Variants in RALGAPA2 observed in about 807,000 individuals in gnomAD.
RALGAPA2 encodes ral GTPase-activating protein subunit alpha-2.
RALGAPA2 carries 139 observed loss-of-function variants against 230.4 expected under a neutral mutation model. The observed-to-expected ratio is 0.60, with a 90% confidence interval of 0.53 to 0.69. The LOEUF (loss-of-function observed/expected upper bound fraction) is 0.69. Ranked by LOEUF, RALGAPA2 falls within the 30% of genes least tolerant of loss-of-function variation. The pLI, the probability that RALGAPA2 is intolerant of heterozygous loss-of-function variation, is 0.00. For missense variants in RALGAPA2, 2,163 were observed against 2,276.0 expected (o/e 0.95, Z 1.01); for synonymous variants, 847 against 837.8 (o/e 1.01, Z -0.19).
rs528131878 is a variant in RALGAPA2 at position 20,546,749 on chromosome 20, G to A, written c.3240C>T (p.Asp1080=). Residue 1080 remains aspartate, a synonymous_variant, in exon 24 of 40, where the codon GAC becomes GAT. Transcript: ENST00000202677. ...GGACCCTGGCAGCGGCCGTGATGAA[G>A]TCCCCCACCAGCATTGAGAAGCCAG... is the stretch of plus-strand genomic sequence containing the variant. ...GFPGFSMLVG[D]FITAAARVLS... The A allele has an allele frequency of 6.2e-7, 1 of 1,611,982 alleles. No individual in the cohort carries two copies. The highest frequency in any genetic ancestry group is 1.1e-5 in the South Asian group (1 of 90,794).
chr20:20,591,407 C>A, intron 16 of RALGAPA2, 93 bp from the exon 17 acceptor site: 1 of 1,368,106 alleles, frequency 7.3e-7, no homozygotes. Context: ...AATAAAGTTT[C>A]AAATGCTTTT....
intron 1 of RALGAPA2, among the ~76,000 whole-genome samples, chr20:20,703,546 A>C (rs762309763): frequency 6.6e-6 from 1 of 152,234 alleles, no homozygotes; most frequent in Non-Finnish European, 1.5e-5. Context: ...GATATTTAAT[A>C]AATTTCTTTT....
intron 38 of RALGAPA2, among the ~76,000 whole-genome samples, chr20:20,407,351 G>A (rs902510243): frequency 1.3e-5 from 2 of 152,194 alleles, no homozygotes; most frequent in African/African-American, 2.4e-5. Context: ...TTCAATGAGC[G>A]GGGAAACTCT....
intron 35 of RALGAPA2, 112 bp downstream of exon 35, chr20:20,503,239 G>C (rs1244700230): frequency 9.4e-7 from 1 of 1,058,414 alleles, no homozygotes; most frequent in Non-Finnish European, 1.3e-6. Context: ...CAGGGTCGTA[G>C]AGTTCAGAGA....
intron 20 of RALGAPA2, among the ~76,000 whole-genome samples, chr20:20,575,057 C>T (rs2064775534): frequency 6.6e-6 from 1 of 152,184 alleles, no homozygotes; most frequent in Admixed American, 6.5e-5. Context: ...ATTTGACCCC[C>T]AGGTATGACT....
At chr20:20,534,883 C>G (rs1035308719) in intron 26 of RALGAPA2, among the ~76,000 whole-genome samples, 16 of 152,146 alleles carry the variant, frequency 1.1e-4, no homozygotes, top group African/African-American at 3.9e-4. Context: ...ATCACATAAA[C>G]CAAGTTGAGG....
chr20:20,553,719 A>G (rs6035647), intron 23 of RALGAPA2, among the ~76,000 whole-genome samples: 10,937 of 152,200 alleles, frequency 0.072, 539 homozygotes, highest in East Asian at 0.16. Context: ...CACAGCATCA[A>G]GATTTCAGGA....
At chr20:20,435,039 C>T (rs1742085794) in intron 37 of RALGAPA2, among the ~76,000 whole-genome samples, 1 of 152,262 alleles carries the variant, frequency 6.6e-6, no homozygotes, top group Non-Finnish European at 1.5e-5. Context: ...GCTGACGGGA[C>T]ATCACAGAGA....
intron 36 of RALGAPA2, among the ~76,000 whole-genome samples, chr20:20,482,059 T>C (rs1014892894): frequency 2.6e-5 from 4 of 152,246 alleles, no homozygotes; most frequent in African/African-American, 9.6e-5. Flanking sequence ...TATCTCTGTA[T>C]AATATAAATA....
Position 20,552,959 on chromosome 20 carries a change from A to G in RALGAPA2, c.3157-6127T>C, listed in dbSNP as rs1229485199. Among the ~76,000 whole-genome samples, 3 of 152,152 alleles carry G rather than the reference A, an allele frequency of 2.0e-5. No individual in the cohort carries two copies. The South Asian group carries it at 6.2e-4, about 32-fold the overall frequency. ...CGGCCCTTTAAAAACAAAACAAAAC[A>G]AAACAAAACAAAACAAAAAACACAG... On this transcript the variant is annotated intron_variant, in intron 23 of 39. Transcript: ENST00000202677.
chr20:20,412,072 C>G lies in RALGAPA2; in HGVS notation c.5572G>C (p.Ala1858Pro), dbSNP rs2060072833. ...CTGGGAGAGGGAGAAAAGACTTGGG[C>G]TGCGAAATCCTCGAATGTCATTACT... The part of the protein sequence containing the change: ...REVMTFEDFA[A>P]QVFSPSPSYS... Residue 1858 changes from alanine to proline, a missense_variant, in exon 38 of 40, where the codon GCC becomes CCC. Transcript: ENST00000202677. The G allele has an allele frequency of 6.2e-7, 1 of 1,613,972 alleles. No individual in the cohort carries two copies. The highest frequency in any genetic ancestry group is 8.5e-7 in the Non-Finnish European group (1 of 1,179,874).
chr20:20,418,458 G>A (rs553123866), intron 37 of RALGAPA2, among the ~76,000 whole-genome samples: 5 of 152,270 alleles, frequency 3.3e-5, no homozygotes, highest in African/African-American at 9.6e-5. Context: ...ACAGACGTGC[G>A]TGCTTGCAGG....
At chr20:20,475,734 A>G (rs2061636087) in intron 36 of RALGAPA2, among the ~76,000 whole-genome samples, 1 of 152,172 alleles carries the variant, frequency 6.6e-6, no homozygotes, top group South Asian at 2.1e-4. Context: ...GATCCTAGTC[A>G]CTACAATAAA....
chr20:20,583,864 C>T (rs2065056517), intron 19 of RALGAPA2, among the ~76,000 whole-genome samples: 1 of 152,212 alleles, frequency 6.6e-6, no homozygotes, highest in South Asian at 2.1e-4. Context: ...CTCAGAGTCT[C>T]CTGTCTACTT....
chr20:20,435,716 G>T (rs1263984120), intron 37 of RALGAPA2, among the ~76,000 whole-genome samples: 1 of 152,124 alleles, frequency 6.6e-6, no homozygotes, highest in Non-Finnish European at 1.5e-5. Flanking sequence ...ATGCTGCCCC[G>T]GAGTCCCAGT....
chr20:20,458,875 TAC>T (rs1278682594), intron 37 of RALGAPA2, among the ~76,000 whole-genome samples: 23 of 120,144 alleles, frequency 1.9e-4, no homozygotes, highest in Non-Finnish European at 2.3e-4. Flanking sequence ...TATATATATA[TAC>T]ACACACACAA....
In RALGAPA2 at chr20:20,427,508, C is replaced by T. The variant is rs182527353; in HGVS notation, c.5496-15360G>A. On this transcript the variant is annotated intron_variant, in intron 37 of 39. Transcript: ENST00000202677. ...CTCATCCCTTCATTAGAACTCCCTCCGACCGGCTAGCCCAGGGGCTGCTGT... is the reference window on the plus strand; with the variant it reads ...CTCATCCCTTCATTAGAACTCCCTCTGACCGGCTAGCCCAGGGGCTGCTGT... 1.5e-4 allele frequency among the ~76,000 whole-genome samples: 23 copies of T among 152,080 alleles called. 1 individual carries two copies. The highest frequency in any genetic ancestry group is 3.1e-4 in the Non-Finnish European group (21 of 68,008).
At position 20,500,736 on chromosome 20, in the gene RALGAPA2, T is replaced by A. The variant is rs1013381020; in HGVS notation, c.5208+2615A>T. Among the ~76,000 whole-genome samples, 17 of 152,222 alleles carry A rather than the reference T, an allele frequency of 1.1e-4. No homozygotes were observed. The East Asian group carries it at 3.3e-3, about 29-fold the overall frequency. On this transcript the variant is annotated intron_variant, in intron 35 of 39. Transcript: ENST00000202677. The stretch of plus-strand genomic sequence containing the variant: ...AGAATGGTGAATCCATTCCAGAAGG[T>A]TTTCAATGGTCTTTGCCAGATCCAT...
chr20:20,473,653 T>C (rs1480344448), intron 36 of RALGAPA2, among the ~76,000 whole-genome samples: 5 of 152,174 alleles, frequency 3.3e-5, no homozygotes, highest in African/African-American at 1.2e-4. Flanking sequence ...CTTCTGTTTT[T>C]AATAGAGACT....
Sources: allele counts gnomAD v4.1 joint callset (sites outside exome capture counted in the v4.1 genomes callset), GRCh38; gene constraint gnomAD v4.1.1; transcripts MANE v1.5; gene names NCBI Gene and HGNC (gene_info 2026-07-23, HGNC 2026-07-21).